The following SH2D4A variants were observed in gnomAD, a reference collection of about 807,000 sequenced individuals.
SH2D4A encodes the protein SH2 domain-containing protein 4A.
Under a neutral mutation model 64.7 loss-of-function variants are expected in SH2D4A, and 70 were observed. The observed-to-expected ratio is 1.08, with a 90% confidence interval of 0.89 to 1.32. SH2D4A has a LOEUF of 1.32. SH2D4A is among the 40% of genes most tolerant of loss of function. The pLI is 0.00. For synonymous variants in SH2D4A, 268 were observed against 200.7 expected (o/e 1.34, Z -2.83); for missense variants, 706 against 540.1 (o/e 1.31, Z -3.04).
intron 7 of SH2D4A, among the ~76,000 whole-genome samples, chr8:19,366,079 C>T (rs776215009): frequency 7.2e-5 from 11 of 151,902 alleles, no homozygotes; most frequent in Non-Finnish European, 1.6e-4. Flanking sequence ...TTATAAAAAG[C>T]GTAAAGAACC....
At chr8:19,373,746 C>T in intron 8 of SH2D4A, 86 bp downstream of exon 8, 1 of 1,479,932 alleles carries the variant, frequency 6.8e-7, no homozygotes, top group Non-Finnish European at 9.1e-7. Context: ...ATAAAAGCTT[C>T]CATTTATTGG....
chr8:19,372,536 T>C (rs1054686935), intron 7 of SH2D4A, among the ~76,000 whole-genome samples: 1 of 152,204 alleles, frequency 6.6e-6, no homozygotes, highest in Non-Finnish European at 1.5e-5. Context: ...GGAGAGTGGC[T>C]GGAGAGCACA....
At chr8:19,324,834 A>T (rs2052251614) in intron 2 of SH2D4A, among the ~76,000 whole-genome samples, 1 of 152,128 alleles carries the variant, frequency 6.6e-6, no homozygotes, top group Non-Finnish European at 1.5e-5. Context: ...GACTCCCTGA[A>T]GCTCATTCAT....
chr8:19,390,060 A>G (rs1181146772), intron 8 of SH2D4A, among the ~76,000 whole-genome samples: 1 of 152,186 alleles, frequency 6.6e-6, no homozygotes, highest in Non-Finnish European at 1.5e-5. Flanking sequence ...AGGGCAATGC[A>G]GGGGACAAGT....
At chr8:19,358,441 G>A (rs1291360519) in intron 5 of SH2D4A, among the ~76,000 whole-genome samples, 3 of 152,170 alleles carry the variant, frequency 2.0e-5, no homozygotes, top group Non-Finnish European at 2.9e-5. Flanking sequence ...AATCCTGGGA[G>A]GATGGAATTG....
chr8:19,328,361 GT>G lies in SH2D4A; in HGVS notation c.182-4583del, dbSNP rs112908755. On this transcript the variant is annotated intron_variant, in intron 2 of 9. Coordinates refer to ENST00000265807, the MANE Select transcript of SH2D4A (RefSeq NM_022071.4). ...GTAGTCTACGCTTCCAAAACAGCTT[GT>G]TTTTTTTTTTACTCCTTAAGCAAAT... 6.0e-3 allele frequency among the ~76,000 whole-genome samples: 882 copies of G among 147,004 alleles called. 9 individuals carry two copies. The highest frequency in any genetic ancestry group is 0.021 in the African/African-American group (831 of 40,296).
At chr8:19,326,861 G>A (rs185694925) in intron 2 of SH2D4A, among the ~76,000 whole-genome samples, 3 of 152,172 alleles carry the variant, frequency 2.0e-5, no homozygotes, top group Admixed American at 1.3e-4. Context: ...CCCCCGAGGA[G>A]CTAATCCACA....
At chr8:19,378,424 C>T (rs2053232262) in intron 8 of SH2D4A, among the ~76,000 whole-genome samples, 1 of 152,066 alleles carries the variant, frequency 6.6e-6, no homozygotes, top group African/African-American at 2.4e-5. Context: ...ACCACCTTCA[C>T]AGTTCTTTGT....
At chr8:19,389,887 A>C (rs2053459130) in intron 8 of SH2D4A, among the ~76,000 whole-genome samples, 1 of 152,118 alleles carries the variant, frequency 6.6e-6, no homozygotes, top group Non-Finnish European at 1.5e-5. Flanking sequence ...AAAACAAATA[A>C]AAATTACTGC....
intron 5 of SH2D4A, among the ~76,000 whole-genome samples, chr8:19,359,075 A>T (rs778573051): frequency 5.9e-5 from 9 of 152,228 alleles, no homozygotes; most frequent in Non-Finnish European, 1.5e-5. Flanking sequence ...TAGAGAAAGT[A>T]AACCATTACA....
intron 8 of SH2D4A, among the ~76,000 whole-genome samples, chr8:19,389,385 C>A (rs35618425): frequency 0.083 from 12,565 of 152,204 alleles, 800 homozygotes; most frequent in African/African-American, 0.17. Context: ...GTGGCTTTTC[C>A]CATCAAAATG....
chr8:19,355,245 T>C lies in SH2D4A; in HGVS notation c.514-1958T>C, dbSNP rs139139154. On this transcript the variant is annotated intron_variant, in intron 4 of 9. Transcript: ENST00000265807. ...ACGGTGCCCCAAAGATCTTATATCA[T>C]CAAAGAAAGAGAGAGTGGGCCTGTT... is the stretch of plus-strand genomic sequence containing the variant. Among the ~76,000 whole-genome samples, 1,286 of 152,248 alleles carry C rather than the reference T, an allele frequency of 8.4e-3. 11 individuals are homozygous for C. Among genetic ancestry groups the C allele is most frequent in the African/African-American group, 0.029 (1,210 of 41,532 alleles).
chr8:19,368,547 C>T (rs191519639), intron 7 of SH2D4A, among the ~76,000 whole-genome samples: 10 of 150,190 alleles, frequency 6.7e-5, no homozygotes, highest in Non-Finnish European at 1.5e-4. Flanking sequence ...CTTGTAAAGA[C>T]ATTTCACCTC....
At chr8:19,331,001 C>G (rs2052357754) in intron 2 of SH2D4A, among the ~76,000 whole-genome samples, 1 of 152,144 alleles carries the variant, frequency 6.6e-6, no homozygotes, top group Non-Finnish European at 1.5e-5. Context: ...CCCTCCTTAC[C>G]TGGAGGCCAC....
At chr8:19,375,921 A>G (rs2053188242) in intron 8 of SH2D4A, among the ~76,000 whole-genome samples, 1 of 152,258 alleles carries the variant, frequency 6.6e-6, no homozygotes, top group South Asian at 2.1e-4. Context: ...GTGATCCACA[A>G]TGCCTACTTG....
chr8:19,333,954 A>G (rs777306491), intron 3 of SH2D4A, among the ~76,000 whole-genome samples: 6 of 152,216 alleles, frequency 3.9e-5, no homozygotes, highest in Non-Finnish European at 7.3e-5. Context: ...CAACTGCTTC[A>G]GAGGCCAGAT....
At position 19,392,579 on chromosome 8, in the gene SH2D4A, G is replaced by A. The variant is rs142703624; in HGVS notation, c.1049-739G>A. On this transcript the variant is annotated intron_variant, in intron 8 of 9. Coordinates refer to ENST00000265807, the MANE Select transcript of SH2D4A (RefSeq NM_022071.4). ...TCACTCCCCAGGCCATTGAGTCCTTGTTGGTAAACTGAGGTAGCCTAGGGA... is the reference window on the plus strand; with the variant it reads ...TCACTCCCCAGGCCATTGAGTCCTTATTGGTAAACTGAGGTAGCCTAGGGA... Among the ~76,000 whole-genome samples the A allele has an allele frequency of 1.1e-3, 169 of 152,136 alleles. 2 individuals are homozygous for A. Among genetic ancestry groups the A allele is most frequent in the African/African-American group, 3.8e-3 (158 of 41,520 alleles).
At position 19,368,331 on chromosome 8, in the gene SH2D4A, G is replaced by T. The variant is rs75787266; in HGVS notation, c.917+4049G>T. ...TGTTCCTTATGCTACAAATTGTTCT[G>T]GCAATTCGTAGTAGTCTTTTCTGGT... On this transcript the variant is annotated intron_variant, in intron 7 of 9. Transcript: ENST00000265807. Among the ~76,000 whole-genome samples, 997 of 152,146 alleles carry T rather than the reference G, an allele frequency of 6.6e-3. 11 individuals carry two copies. Among genetic ancestry groups the T allele is most frequent in the African/African-American group, 0.022 (934 of 41,512 alleles).
At position 19,368,307 on chromosome 8, in the gene SH2D4A, GT is replaced by G. The variant is rs200346405; in HGVS notation, c.917+4027del. 8.0e-3 allele frequency among the ~76,000 whole-genome samples: 1,217 copies of G among 152,196 alleles called. 9 individuals are homozygous for G. The highest frequency in any genetic ancestry group is 0.028 in the African/African-American group (1,158 of 41,554). ...ATTTAGTGTGATGCCTCCCAGCTTT[GT>G]TCCTTATGCTACAAATTGTTCTGGC... On this transcript the variant is annotated intron_variant, in intron 7 of 9. Transcript: ENST00000265807.
Sources: allele counts gnomAD v4.1 joint callset (sites outside exome capture counted in the v4.1 genomes callset), GRCh38; gene constraint gnomAD v4.1.1; transcripts MANE v1.5; gene names NCBI Gene and HGNC (gene_info 2026-07-23, HGNC 2026-07-21).